DLC1: variants seen among roughly 807,000 people sequenced by gnomAD.
DLC1 encodes DLC1 Rho GTPase activating protein, also known as rho GTPase-activating protein 7.
DLC1 carries 54 observed loss-of-function variants against 140.3 expected under a neutral mutation model. The ratio of observed to expected loss-of-function variants is 0.38; its 90% CI spans 0.31 to 0.48. DLC1 has a LOEUF of 0.48. Ranked by LOEUF, DLC1 falls within the 20% of genes least tolerant of loss-of-function variation. The pLI, the probability that DLC1 is intolerant of heterozygous loss-of-function variation, is 0.96. For missense variants in DLC1, 2,536 were observed against 1,907.0 expected, an observed-to-expected ratio of 1.33 and a Z score of -6.14; for synonymous variants, 986 against 728.1, an observed-to-expected ratio of 1.35 and a Z score of -5.70.
intron 5 of DLC1, among the ~76,000 whole-genome samples, chr8:13,298,275 ATCT>A (rs1832043304): frequency 6.6e-6 from 1 of 152,218 alleles, no homozygotes; most frequent in Non-Finnish European, 1.5e-5. Flanking sequence ...GCTCTAAGTC[ATCT>A]TCTTCAATGG....
intron 2 of DLC1, among the ~76,000 whole-genome samples, chr8:13,470,082 C>A (rs1377515597): frequency 6.6e-6 from 1 of 151,992 alleles, no homozygotes; most frequent in East Asian, 1.9e-4. Context: ...TTTTTTTCCC[C>A]CTTTGGTGAA....
intron 4 of DLC1, among the ~76,000 whole-genome samples, chr8:13,371,616 T>G (rs1170066113): frequency 6.6e-6 from 1 of 152,120 alleles, no homozygotes; most frequent in East Asian, 1.9e-4. Flanking sequence ...GTTATTTCCT[T>G]GGCATTCTAC....
Position 13,297,282 on chromosome 8 carries a change from T to TAAAA in DLC1, c.1348+7983_1348+7986dup, listed in dbSNP as rs60048506. On this transcript the variant is annotated intron_variant, in intron 5 of 17. Transcript: ENST00000276297. ...CAGGCAAGCAGAGGCCTTCATACAT[T>TAAAA]AAAAAAAAAAAAAACTGAAGCAAGT... 1.5e-3 allele frequency among the ~76,000 whole-genome samples: 14 copies of TAAAA among 9,634 alleles called. 5 individuals are homozygous for TAAAA. The highest frequency in any genetic ancestry group is 0.012 in the East Asian group (3 of 246). The allele number at this position is 9,634 out of a possible 152,430, so 6.3% of individuals were successfully genotyped here.
chr8:13,375,149 TC>T (rs1835915112), intron 4 of DLC1, among the ~76,000 whole-genome samples: 1 of 151,016 alleles, frequency 6.6e-6, no homozygotes, highest in Non-Finnish European at 1.5e-5. Context: ...TGCCTTAGCC[TC>T]CTGAGTAGCA....
At chr8:13,411,853 T>G (rs572167648) in intron 2 of DLC1, among the ~76,000 whole-genome samples, 1 of 152,332 alleles carries the variant, frequency 6.6e-6, no homozygotes, top group Non-Finnish European at 1.5e-5. Flanking sequence ...CATTTATCCC[T>G]CTTCACATTT....
chr8:13,435,377 G>A (rs1226939660), intron 2 of DLC1, among the ~76,000 whole-genome samples: 22 of 152,020 alleles, frequency 1.4e-4, no homozygotes, highest in Admixed American at 6.6e-5. Context: ...GCAATGGCTC[G>A]ATCTCGGCTC....
intron 2 of DLC1, among the ~76,000 whole-genome samples, chr8:13,494,940 G>T (rs1801434372): frequency 6.6e-6 from 1 of 152,112 alleles, no homozygotes; most frequent in Non-Finnish European, 1.5e-5. Context: ...AAGGAAGCAA[G>T]ACTCCATCTC....
intron 5 of DLC1, among the ~76,000 whole-genome samples, chr8:13,244,267 T>C (rs1829663309): frequency 1.3e-5 from 2 of 151,990 alleles, no homozygotes; most frequent in Admixed American, 1.3e-4. Context: ...CAGTATGATA[T>C]TCAAGATTTT....
intron 1 of DLC1, among the ~76,000 whole-genome samples, chr8:13,530,195 G>C (rs1443182213): frequency 6.6e-6 from 1 of 152,162 alleles, no homozygotes; most frequent in Admixed American, 6.5e-5. Context: ...TAGTTGACCA[G>C]TGTATTACTT....
intron 2 of DLC1, among the ~76,000 whole-genome samples, chr8:13,428,123 T>C (rs58306100): frequency 2.6e-5 from 4 of 152,080 alleles, no homozygotes; most frequent in Non-Finnish European, 2.9e-5. Context: ...TCCAGGCTTT[T>C]GTATGGGCGT....
At chr8:13,579,262 A>ATATATATATATATATATATG in intron 1 of DLC1, among the ~76,000 whole-genome samples, 1 of 109,998 alleles carries the variant, frequency 9.1e-6, no homozygotes, top group South Asian at 2.8e-4. Context: ...ATATATATAT[A>ATATATATATATATATATATG]TATATATGCA....
intron 5 of DLC1, among the ~76,000 whole-genome samples, chr8:13,139,505 G>A (rs1364400124): frequency 3.3e-5 from 5 of 152,068 alleles, no homozygotes; most frequent in Non-Finnish European, 5.9e-5. Context: ...CATGAAGAGG[G>A]CACTTGGTGG....
At chr8:13,600,786 G>T (rs987314385) in intron 1 of DLC1, among the ~76,000 whole-genome samples, 2 of 151,530 alleles carry the variant, frequency 1.3e-5, no homozygotes, top group African/African-American at 4.8e-5. Context: ...TTCCTTCTCA[G>T]TTTTATTTTC....
At chr8:13,443,645 G>T (rs1255719015) in intron 2 of DLC1, among the ~76,000 whole-genome samples, 2 of 128,734 alleles carry the variant, frequency 1.6e-5, no homozygotes, top group Admixed American at 9.1e-5. Flanking sequence ...GCAACACAGC[G>T]AGACTCCGTC....
chr8:13,316,196 G>T (rs1563247883), intron 4 of DLC1, among the ~76,000 whole-genome samples: 1 of 152,162 alleles, frequency 6.6e-6, no homozygotes, highest in Non-Finnish European at 1.5e-5. Flanking sequence ...CCAGCCACTT[G>T]ATCTACTAGC....
At chr8:13,198,433 T>C (rs1827191516) in intron 5 of DLC1, among the ~76,000 whole-genome samples, 1 of 152,194 alleles carries the variant, frequency 6.6e-6, no homozygotes, top group Non-Finnish European at 1.5e-5. Context: ...CGTAGAGTCA[T>C]TTCAGGACAG....
At chr8:13,299,287 AT>A (rs1370086649) in intron 5 of DLC1, among the ~76,000 whole-genome samples, 2 of 151,532 alleles carry the variant, frequency 1.3e-5, no homozygotes, top group Admixed American at 6.6e-5. Flanking sequence ...TACTAAAAAT[AT>A]AAAAAAAAAA....
intron 2 of DLC1, among the ~76,000 whole-genome samples, chr8:13,468,336 C>T (rs533194855): frequency 4.2e-4 from 24 of 57,186 alleles, no homozygotes; most frequent in Non-Finnish European, 7.3e-4. Context: ...TCCCTTCCCC[C>T]CATTCCCCTC....
intron 5 of DLC1, among the ~76,000 whole-genome samples, chr8:13,181,394 T>G (rs1311548840): frequency 6.6e-6 from 1 of 151,896 alleles, no homozygotes; most frequent in East Asian, 1.9e-4. Context: ...CGTGTAGGTT[T>G]GATACATAGG....
Sources: allele counts gnomAD v4.1 joint callset (sites outside exome capture counted in the v4.1 genomes callset), GRCh38; gene constraint gnomAD v4.1.1; transcripts MANE v1.5; gene names NCBI Gene and HGNC (gene_info 2026-07-23, HGNC 2026-07-21).